The following MRTFB variants were observed in gnomAD, a reference collection of about 807,000 sequenced individuals.
MRTFB encodes myocardin-related transcription factor B.
Under a neutral mutation model 104.2 loss-of-function variants are expected in MRTFB, and 29 were observed. The observed-to-expected ratio is 0.28, with a 90% CI of 0.21 to 0.38. MRTFB has a LOEUF of 0.38. MRTFB is among the 10% of genes least tolerant of loss of function. The pLI, the probability that MRTFB is intolerant of heterozygous loss-of-function variation, is 1.00. For synonymous variants in MRTFB, 535 were observed against 519.5 expected (o/e 1.03, Z -0.41); for missense variants, 1,270 against 1,341.6 (o/e 0.95, Z 0.83).
At chr16:14,206,315 A>G (rs1018771135) in intron 3 of MRTFB, among the ~76,000 whole-genome samples, 11 of 152,358 alleles carry the variant, frequency 7.2e-5, no homozygotes, top group Admixed American at 7.2e-4. Flanking sequence ...TAAGCTGTCT[A>G]TCATTCAAGC....
chr16:14,163,733 T>C (rs1222748893), intron 3 of MRTFB, among the ~76,000 whole-genome samples: 1 of 151,336 alleles, frequency 6.6e-6, no homozygotes, highest in African/African-American at 2.4e-5. Flanking sequence ...TTTGGGAGGC[T>C]GAGGCAGGAG....
chr16:14,261,540 C>A lies in MRTFB; in HGVS notation c.*96C>A, dbSNP rs1490832152. 9.6e-6 allele frequency: 12 copies of A among 1,248,384 alleles called. No homozygotes were observed. Among genetic ancestry groups the A allele is most frequent in the Non-Finnish European group, 1.2e-5 (11 of 903,508 alleles). 77.3% of individuals were successfully genotyped at this position (1,248,384 alleles called of 1,614,324 possible). On this transcript the variant is annotated 3_prime_UTR_variant, in exon 17 of 17. Transcript: ENST00000571589. ...AGATAGATCTATAGTTGCATTGTTG[C>A]AATCAAAATATGTTGTCACAGAAAG...
At chr16:14,017,861 G>A in the MRTFB span, among the ~76,000 whole-genome samples, 3 of 149,626 alleles carry the variant, frequency 2.0e-5, no homozygotes, top group Non-Finnish European at 4.4e-5. Context: ...GGGACAATAG[G>A]CATGTGCTAC....
At position 14,110,910 on chromosome 16, in the gene MRTFB, A is replaced by G. The variant is rs187010092; in HGVS notation, c.-63-29634A>G. 8.5e-5 allele frequency among the ~76,000 whole-genome samples: 13 copies of G among 152,164 alleles called. 1 individual carries two copies. In the East Asian group the frequency reaches 2.5e-3, roughly 29 times the overall value. On this transcript the variant is annotated intron_variant, in intron 2 of 16. Coordinates refer to ENST00000571589, the MANE Select transcript of MRTFB (RefSeq NM_001308142.2). ...GCTCTGAATCTCGTCTCCCTTAAAC[A>G]GTACTTCCATCATGAGCATTTTCTT...
At chr16:14,113,893 G>T (rs1378177532) in intron 2 of MRTFB, among the ~76,000 whole-genome samples, 2 of 151,950 alleles carry the variant, frequency 1.3e-5, no homozygotes, top group African/African-American at 2.4e-5. Context: ...AACTCTTCTG[G>T]TTTCATAGGT....
At chr16:14,172,223 C>T (rs1453022706) in intron 3 of MRTFB, among the ~76,000 whole-genome samples, 21 of 151,980 alleles carry the variant, frequency 1.4e-4, no homozygotes, top group Admixed American at 1.3e-3. Context: ...CTTCCTTCCC[C>T]GCCTCCCCCC....
intron 8 of MRTFB, 142 bp downstream of exon 8, chr16:14,219,140 G>C: frequency 1.3e-6 from 1 of 773,812 alleles, no homozygotes; most frequent in Non-Finnish European, 1.9e-6. Context: ...GCACTTAACT[G>C]CCCTCCAGGA....
At chr16:14,137,842 TTC>T (rs201883048) in intron 2 of MRTFB, among the ~76,000 whole-genome samples, 3,691 of 152,194 alleles carry the variant, frequency 0.024, 163 homozygotes, top group African/African-American at 0.084. Flanking sequence ...TAAAAATTTA[TTC>T]TGTCTCTTTT....
chr16:14,100,040 A>T (rs1246066593), intron 2 of MRTFB, among the ~76,000 whole-genome samples: 1 of 152,162 alleles, frequency 6.6e-6, no homozygotes, highest in Non-Finnish European at 1.5e-5. Flanking sequence ...TGTTATTTTT[A>T]AACGAAGACA....
chr16:14,078,307 G>C (rs1295713842), intron 1 of MRTFB, among the ~76,000 whole-genome samples: 2 of 152,142 alleles, frequency 1.3e-5, no homozygotes, highest in African/African-American at 4.8e-5. Context: ...TCAGATGTTT[G>C]TTAAATGAAT....
chr16:14,050,045 T>C, the MRTFB span, among the ~76,000 whole-genome samples: 1 of 152,198 alleles, frequency 6.6e-6, no homozygotes, highest in Non-Finnish European at 1.5e-5. Context: ...GAATTAAAGA[T>C]CATGATATTG....
chr16:14,199,629 C>G (rs2040594744), intron 3 of MRTFB, among the ~76,000 whole-genome samples: 1 of 152,206 alleles, frequency 6.6e-6, no homozygotes, highest in Admixed American at 6.5e-5. Context: ...CACTCCCTTG[C>G]CATACACTGT....
intron 2 of MRTFB, among the ~76,000 whole-genome samples, chr16:14,096,016 G>C (rs1301804326): frequency 6.6e-6 from 1 of 152,004 alleles, no homozygotes; most frequent in African/African-American, 2.4e-5. Context: ...TTGTTCTTTT[G>C]AGAACAAGAA....
chr16:14,148,328 T>A lies in MRTFB; in HGVS notation c.154+7568T>A, dbSNP rs548839089. Among the ~76,000 whole-genome samples the A allele has an allele frequency of 2.2e-4, 34 of 152,288 alleles. No homozygotes were observed. The South Asian group carries it at 6.8e-3, about 31-fold the overall frequency. On this transcript the variant is annotated intron_variant, in intron 3 of 16. Coordinates refer to ENST00000571589, the MANE Select transcript of MRTFB (RefSeq NM_001308142.2). ...GCCACGTAACTCAGTCACAAGGACC[T>A]CTTGTAGCTAAAAAAGAGAAAAGAT... is the stretch of plus-strand genomic sequence containing the variant.
At chr16:14,129,389 C>A (rs777217694) in intron 2 of MRTFB, among the ~76,000 whole-genome samples, 4 of 152,100 alleles carry the variant, frequency 2.6e-5, no homozygotes, top group Non-Finnish European at 5.9e-5. Context: ...ATGATTATTT[C>A]TTTTCCATTT....
chr16:14,025,581 G>A, the MRTFB span, among the ~76,000 whole-genome samples: 64 of 152,270 alleles, frequency 4.2e-4, no homozygotes, highest in South Asian at 1.0e-3. Context: ...CTAGGTCATC[G>A]TGCTCCTGGC....
At position 14,177,215 on chromosome 16, in the gene MRTFB, G is replaced by A. The variant is rs1299158756; in HGVS notation, c.155-33028G>A. Among the ~76,000 whole-genome samples, 1 of 152,188 alleles carries A rather than the reference G, an allele frequency of 6.6e-6. No individual in the cohort carries two copies. Among genetic ancestry groups the A allele is most frequent in the African/African-American group, 2.4e-5 (1 of 41,454 alleles). ...GGCTTTGAATGCCAGGCTAACAAAG[G>A]TGGACTGACTTAAGGAGATAGAGGA... On this transcript the variant is annotated intron_variant, in intron 3 of 16. Transcript: ENST00000571589. This position sits in a 1 kb window ranked among gnomAD's most constrained non-coding sequence, Gnocchi z 4.7.
intron 2 of MRTFB, among the ~76,000 whole-genome samples, chr16:14,140,270 G>C (rs1171139957): frequency 1.3e-5 from 2 of 152,106 alleles, no homozygotes; most frequent in East Asian, 3.8e-4. Context: ...TAAATCTTTA[G>C]TGCCACCAAT....
At chr16:14,231,572 G>T (rs1357770217) in intron 8 of MRTFB, among the ~76,000 whole-genome samples, 2 of 152,114 alleles carry the variant, frequency 1.3e-5, no homozygotes, top group Admixed American at 6.5e-5. Flanking sequence ...AGTGTGTGTT[G>T]TTCCCCTCTA....
Sources: gnomAD v4.1 joint callset for allele counts (sites outside exome capture counted in the v4.1 genomes callset) on GRCh38, gnomAD v4.1.1 for gene constraint, Gnocchi (gnomAD v3.1) non-coding constraint, MANE v1.5 for transcripts, NCBI Gene and HGNC (gene_info 2026-07-23, HGNC 2026-07-21) for gene names.